CCDC25: variants seen among roughly 807,000 people sequenced by gnomAD.
CCDC25 encodes coiled-coil domain-containing protein 25.
A neutral mutation model predicts 35.3 loss-of-function variants in CCDC25; 16 were observed. The ratio of observed to expected loss-of-function variants is 0.45; its 90% CI spans 0.31 to 0.69. The LOEUF is 0.69. CCDC25 is among the 30% of genes least tolerant of loss of function. The pLI is 0.06. For synonymous variants in CCDC25, 79 were observed against 80.3 expected, an observed-to-expected ratio of 0.98 and a Z score of 0.09; for missense variants, 179 against 250.7, an observed-to-expected ratio of 0.71 and a Z score of 1.93.
In CCDC25 at chr8:27,753,709, A is replaced by G. The variant is rs564541713; in HGVS notation, c.169-1122T>C. Among the ~76,000 whole-genome samples the G allele has an allele frequency of 1.5e-3, 223 of 152,370 alleles. 2 individuals carry two copies. The highest frequency in any genetic ancestry group is 3.6e-3 in the Admixed American group (55 of 15,306). ...CCAAAGAAGACATTAATCTGACCCA[A>G]AATGAAACTTGGTAACACCATAATT... On this transcript the variant is annotated intron_variant, in intron 4 of 8. Coordinates refer to ENST00000356537, the MANE Select transcript of CCDC25 (RefSeq NM_018246.3).
rs543473481 is a variant in CCDC25, at chr8:27,734,361, C to G, written c.*1855G>C. On this transcript the variant is annotated 3_prime_UTR_variant, in exon 9 of 9. Transcript: ENST00000356537. ...CTCAGACCCACAGCACAGATTTGAT[C>G]AAGGGCACAGCTCATAAAAATAGCA... The G allele has an allele frequency of 3.9e-5, 6 of 152,302 alleles. No individual in the cohort carries two copies. In the South Asian group the frequency reaches 1.0e-3, roughly 26 times the overall value. The allele number at this position is 152,302 out of a possible 1,614,324, so 9.4% of individuals were successfully genotyped here. A position where few individuals can be genotyped will look rare whatever the true frequency, so the allele number is the denominator to read the frequency against.
chr8:27,736,352 G>A (rs1803223778), intron 8 of CCDC25, 107 bp from the exon 9 acceptor site: 1 of 849,152 alleles, frequency 1.2e-6, no homozygotes, highest in Non-Finnish European at 1.9e-6. Flanking sequence ...CAGTCACTGA[G>A]TTCAGAAAGT....
intron 1 of CCDC25, among the ~76,000 whole-genome samples, chr8:27,767,486 G>A (rs1265101259): frequency 6.6e-6 from 1 of 152,162 alleles, no homozygotes; most frequent in African/African-American, 2.4e-5. Flanking sequence ...TAAATGAGGT[G>A]ATTAAGAAAA....
chr8:27,771,880 C>G (rs1247355672), intron 1 of CCDC25: 1 of 152,244 alleles, frequency 6.6e-6, no homozygotes, highest in Non-Finnish European at 1.5e-5. Context: ...GAAACCAAGT[C>G]GGGACACTGC....
At chr8:27,769,070 CAGTT>C (rs1287783557) in intron 1 of CCDC25, among the ~76,000 whole-genome samples, 2 of 152,196 alleles carry the variant, frequency 1.3e-5, no homozygotes, top group Non-Finnish European at 2.9e-5. Context: ...TAAAAACCAT[CAGTT>C]AGTTAAAAAC....
chr8:27,768,943 T>C (rs144371989), intron 1 of CCDC25, among the ~76,000 whole-genome samples: 1 of 152,334 alleles, frequency 6.6e-6, no homozygotes, highest in Admixed American at 6.5e-5. Flanking sequence ...TATTCCCTTA[T>C]GAGACAGCAT....
At chr8:27,769,461 G>A (rs1036530496) in intron 1 of CCDC25, among the ~76,000 whole-genome samples, 2 of 152,152 alleles carry the variant, frequency 1.3e-5, no homozygotes, top group Non-Finnish European at 2.9e-5. Context: ...CTGTATATTT[G>A]TTTTTCCATT....
intron 8 of CCDC25, among the ~76,000 whole-genome samples, chr8:27,739,008 T>C (rs978300814): frequency 2.0e-5 from 3 of 152,204 alleles, no homozygotes; most frequent in Non-Finnish European, 2.9e-5. Flanking sequence ...GCTTCAATTC[T>C]AAGCAGCCCT....
At chr8:27,743,854 C>T (rs1803518372) in intron 7 of CCDC25, among the ~76,000 whole-genome samples, 1 of 152,074 alleles carries the variant, frequency 6.6e-6, no homozygotes, top group Admixed American at 6.6e-5. Context: ...TGATGGCACC[C>T]CAGCAATTCA....
At chr8:27,764,257 G>T (rs13266988) in intron 2 of CCDC25, 42,077 of 159,858 alleles carry the variant, frequency 0.26, 6,595 homozygotes, top group Middle Eastern at 0.34. Context: ...CAGGGAAAAA[G>T]TGTTCCATAC....
At chr8:27,744,216 TA>T (rs1382994246) in intron 7 of CCDC25, among the ~76,000 whole-genome samples, 1 of 152,212 alleles carries the variant, frequency 6.6e-6, no homozygotes, top group Non-Finnish European at 1.5e-5. Flanking sequence ...TTATGACATA[TA>T]TAAGTTACTT....
chr8:27,747,751 A>T, intron 7 of CCDC25: 1 of 293,780 alleles, frequency 3.4e-6, no homozygotes, highest in South Asian at 4.7e-5. Flanking sequence ...TCAATAGTAA[A>T]TACCTCCCAC....
At chr8:27,738,996 T>C (rs1803347675) in intron 8 of CCDC25, among the ~76,000 whole-genome samples, 1 of 152,190 alleles carries the variant, frequency 6.6e-6, no homozygotes, top group Non-Finnish European at 1.5e-5. Context: ...CGATGTGTCT[T>C]TGCTTCAATT....
At chr8:27,771,778 A>T (rs1379428800) in intron 1 of CCDC25, among the ~76,000 whole-genome samples, 1 of 152,206 alleles carries the variant, frequency 6.6e-6, no homozygotes, top group African/African-American at 2.4e-5. Flanking sequence ...AGCTAGCATC[A>T]GGAAAGGCAT....
intron 1 of CCDC25, 149 bp downstream of exon 1, chr8:27,772,364 G>A: frequency 2.7e-6 from 2 of 731,100 alleles, no homozygotes; most frequent in Admixed American, 4.7e-5. Flanking sequence ...GGGAGGGACG[G>A]ATGTGCTGGG....
intron 7 of CCDC25, among the ~76,000 whole-genome samples, chr8:27,743,022 C>A (rs1216145708): frequency 6.6e-6 from 1 of 152,166 alleles, no homozygotes; most frequent in Non-Finnish European, 1.5e-5. Flanking sequence ...AACTCATGGT[C>A]TTCCCCCTAC....
chr8:27,764,799 ATCTG>A (rs1804343706), intron 2 of CCDC25, among the ~76,000 whole-genome samples: 1 of 152,166 alleles, frequency 6.6e-6, no homozygotes, highest in Admixed American at 6.5e-5. Flanking sequence ...ACTATCTCTG[ATCTG>A]TCTACTTCGA....
At chr8:27,740,569 C>T (rs1375198898) in intron 7 of CCDC25, 52 bp from the exon 8 acceptor site, 1 of 1,511,208 alleles carries the variant, frequency 6.6e-7, no homozygotes, top group African/African-American at 1.4e-5. Context: ...ATCCAGTCAA[C>T]AAATATTTGA....
At chr8:27,747,823 G>A in intron 7 of CCDC25, 1 of 483,226 alleles carries the variant, frequency 2.1e-6, no homozygotes, top group East Asian at 3.9e-5. Context: ...AACCTATGAA[G>A]GTTTCTCTAT....
Sources: allele counts gnomAD v4.1 joint callset (sites outside exome capture counted in the v4.1 genomes callset), GRCh38; gene constraint gnomAD v4.1.1; transcripts MANE v1.5; gene names NCBI Gene and HGNC (gene_info 2026-07-23, HGNC 2026-07-21).